The following ZNF14 variants were observed in gnomAD, a reference collection of about 807,000 sequenced individuals.
ZNF14 encodes gonadotropin inducible transcription repressor-4.
In ZNF14, 9 loss-of-function variants were observed where a neutral mutation model predicts 11.3. The observed-to-expected ratio is 0.80, with a 90% CI of 0.48 to 1.39. ZNF14 has a LOEUF of 1.39. ZNF14 is among the 40% of genes most tolerant of loss of function. The pLI, the probability that ZNF14 is intolerant of heterozygous loss-of-function variation, is 0.00. For synonymous variants in ZNF14, 239 were observed against 245.7 expected (o/e 0.97, Z 0.25); for missense variants, 711 against 763.9 (o/e 0.93, Z 0.82).
intron 1 of ZNF14, among the ~76,000 whole-genome samples, chr19:19,725,692 T>C (rs937943480): frequency 7.4e-6 from 1 of 134,602 alleles, no homozygotes; most frequent in African/African-American, 2.7e-5. Context: ...GGTTCCATTC[T>C]CCCCGTCACT....
chr19:19,711,777 G>A lies in ZNF14; in HGVS notation c.1504C>T (p.Pro502Ser), dbSNP rs765100325. ...TTACCGCATAGTTTACATTCATAGG[G>A]TTTCTCTCCAGTGTGTGTTCTTTCA... ...LHERTHTGEK[P>S]YECKLCGKTF... Residue 502 changes from proline (P) to serine (S), a missense_variant, in exon 4 of 4, where the codon CCC becomes TCC. Coordinates refer to ENST00000344099, the MANE Select transcript of ZNF14 (RefSeq NM_021030.3). The A allele has an allele frequency of 2.0e-5, 33 of 1,613,504 alleles. No individual in the cohort carries two copies. The highest frequency in any genetic ancestry group is 2.7e-5 in the Non-Finnish European group (32 of 1,179,540).
Sources: gnomAD v4.1 joint callset for allele counts (sites outside exome capture counted in the v4.1 genomes callset) on GRCh38, gnomAD v4.1.1 for gene constraint, MANE v1.5 for transcripts, NCBI Gene and HGNC (gene_info 2026-07-23, HGNC 2026-07-21) for gene names.